Variants in DRAXIN observed in about 807,000 individuals in gnomAD.
DRAXIN encodes the protein dorsal inhibitory axon guidance protein.
Under a neutral mutation model 33.9 loss-of-function variants are expected in DRAXIN, and 27 were observed. The observed-to-expected ratio is 0.80, with a 90% CI of 0.59 to 1.10. The LOEUF (loss-of-function observed/expected upper bound fraction) is 1.10, where lower values mean the gene tolerates loss of function less well. DRAXIN is among the 50% of genes least tolerant of loss of function. The pLI, the probability that DRAXIN is intolerant of heterozygous loss-of-function variation, is 0.00. For synonymous variants in DRAXIN, 178 were observed against 194.0 expected, an observed-to-expected ratio of 0.92 and a Z score of 0.69; for missense variants, 371 against 460.8, an observed-to-expected ratio of 0.81 and a Z score of 1.78.
At chr1:11,707,356 G>A (rs949105280) in intron 2 of DRAXIN, among the ~76,000 whole-genome samples, 3 of 152,178 alleles carry the variant, frequency 2.0e-5, no homozygotes, top group Non-Finnish European at 4.4e-5. Flanking sequence ...CGACTCTGAC[G>A]CATCCGGTAG....
intron 5 of DRAXIN, among the ~76,000 whole-genome samples, chr1:11,712,954 C>A (rs1408785316): frequency 6.7e-6 from 1 of 149,802 alleles, no homozygotes; most frequent in Non-Finnish European, 1.5e-5. Flanking sequence ...AATCCCAGCA[C>A]TTTGGGAGGC....
chr1:11,717,289 A>G (rs1641591160), intron 6 of DRAXIN, among the ~76,000 whole-genome samples: 1 of 151,350 alleles, frequency 6.6e-6, no homozygotes, highest in Non-Finnish European at 1.5e-5. Context: ...TCTCAAAAAG[A>G]AAAAAAAAGT....
intron 3 of DRAXIN, among the ~76,000 whole-genome samples, chr1:11,710,204 A>T (rs9430628): frequency 0.79 from 117,824 of 149,058 alleles, 47,420 homozygotes; most frequent in African/African-American, 0.95. Context: ...AAAAAAAAGA[A>T]ATGTGGGGCG....
chr1:11,710,654 C>T (rs1047925108), intron 3 of DRAXIN, among the ~76,000 whole-genome samples: 5 of 151,854 alleles, frequency 3.3e-5, no homozygotes, highest in Admixed American at 6.6e-5. Context: ...GTGGCTCATG[C>T]CTGTAATCCC....
chr1:11,708,261 G>A (rs1214949713), intron 2 of DRAXIN, among the ~76,000 whole-genome samples: 1 of 152,222 alleles, frequency 6.6e-6, no homozygotes, highest in Admixed American at 6.5e-5. Context: ...TGAGGAGGAG[G>A]TGGGGAACGG....
chr1:11,688,637 C>T (rs1207535398), upstream of DRAXIN, among the ~76,000 whole-genome samples: 1 of 152,148 alleles, frequency 6.6e-6, no homozygotes, highest in Admixed American at 6.5e-5. The surrounding 1 kb of genome is among the most constrained non-coding windows in gnomAD (Gnocchi z 4.6). Flanking sequence ...TGCTCATGGT[C>T]CCTCTAAAAA....
At chr1:11,712,097 G>T (rs781672826) in intron 4 of DRAXIN, 132 bp downstream of exon 4, 4 of 936,202 alleles carry the variant, frequency 4.3e-6, no homozygotes, top group Non-Finnish European at 6.6e-6. Context: ...GAGAGGGGGA[G>T]CATGGAGCCT....
chr1:11,709,512 C>A, intron 3 of DRAXIN, 47 bp downstream of exon 3: 1 of 1,564,080 alleles, frequency 6.4e-7, no homozygotes, highest in Non-Finnish European at 8.6e-7. Flanking sequence ...TCCTTGAGCC[C>A]ATGTCATGGA....
rs1286792502 is a variant in DRAXIN at position 11,709,471 on chromosome 1, G to A, written c.642+6G>A. ...TCACCTCCCTGCGGCCCCAGGTAAG[G>A]GGTCCCCAAACAGCCTCGGATCTGG... On this transcript the variant is annotated splice_donor_region_variant and intron_variant, in intron 3 of 6. Transcript: ENST00000294485. 6.2e-7 allele frequency: 1 copy of A among 1,610,938 alleles called. No homozygotes were observed. Among genetic ancestry groups the A allele is most frequent in the Non-Finnish European group, 8.5e-7 (1 of 1,178,540 alleles).
Position 11,706,303 on chromosome 1 carries a change from C to T in DRAXIN, c.45C>T (p.Val15=), listed in dbSNP as rs746443867. The T allele has an allele frequency of 5.0e-6, 8 of 1,612,864 alleles. No homozygotes were observed. Among genetic ancestry groups the T allele is most frequent in the Non-Finnish European group, 6.8e-6 (8 of 1,179,642 alleles). Reference sequence around the variant, plus strand: ...ACACCGCTCCCATGCTGTTCCTCGTCCTCCTGCTGCCCCTGGAGCTGAGCC... The same window carrying T: ...ACACCGCTCCCATGCTGTTCCTCGTTCTCCTGCTGCCCCTGGAGCTGAGCC... ...AIHTAPMLFL[V]LLLPLELSLA... The change falls in exon 2 of 7, where the codon GTC becomes GTT. Residue 15 remains valine, a synonymous_variant. Transcript: ENST00000294485. The surrounding 1 kb of genome is among the most constrained non-coding windows in gnomAD (Gnocchi z 5.5).
At chr1:11,687,291 G>A (rs1203023094), upstream of DRAXIN, among the ~76,000 whole-genome samples, 2 of 152,116 alleles carry the variant, frequency 1.3e-5, no homozygotes, top group Admixed American at 6.6e-5. This position sits in a 1 kb window ranked among gnomAD's most constrained non-coding sequence, Gnocchi z 4.1. Context: ...CCAGGCTGGA[G>A]GGCGGTGGTG....
chr1:11,706,615 C>T lies in DRAXIN; in HGVS notation c.357C>T (p.Tyr119=), dbSNP rs147961010. Residue 119 remains tyrosine, a synonymous_variant, in exon 2 of 7, where the codon TAC becomes TAT. Transcript: ENST00000294485. The surrounding 1 kb of genome is among the most constrained non-coding windows in gnomAD (Gnocchi z 5.5). The part of the protein sequence containing the change: ...KDLLLGLALP[Y]PEKENRPPGW... ...TGCTCCTGGGACTGGCATTGCCCTA[C>T]CCCGAGAAGGAGAACCGACCTCCAG... 10 of 1,602,324 alleles carry T rather than the reference C, an allele frequency of 6.2e-6. No individual in the cohort carries two copies. The African/African-American group carries it at 8.0e-5, about 13-fold the overall frequency.
chr1:11,691,390 G>C (rs1456064023), upstream of DRAXIN: 3 of 151,810 alleles, frequency 2.0e-5, no homozygotes, highest in Non-Finnish European at 4.4e-5. Context: ...GCCCTGGGCC[G>C]CGCCGAGGCG....
intron 6 of DRAXIN, 149 bp downstream of exon 6, chr1:11,715,357 A>G (rs892531437): frequency 1.3e-5 from 12 of 911,134 alleles, no homozygotes; most frequent in Non-Finnish European, 2.1e-5. Flanking sequence ...AGGTGGGAGA[A>G]TCCCTCGGGA....
chr1:11,706,932 G>A lies in DRAXIN; in HGVS notation c.451+223G>A, dbSNP rs1001207317. ...GTTGCAATACAATCTGTCTTATCGCGGCCCGGTGCCGTGGCTCACGCTTGT... is the reference window on the plus strand; with the variant it reads ...GTTGCAATACAATCTGTCTTATCGCAGCCCGGTGCCGTGGCTCACGCTTGT... On this transcript the variant is annotated intron_variant, in intron 2 of 6. Coordinates refer to ENST00000294485, the MANE Select transcript of DRAXIN (RefSeq NM_198545.4). The surrounding 1 kb of genome is among the most constrained non-coding windows in gnomAD (Gnocchi z 5.5). 2.0e-5 allele frequency among the ~76,000 whole-genome samples: 3 copies of A among 152,170 alleles called. No homozygotes were observed. The highest frequency in any genetic ancestry group is 2.1e-4 in the South Asian group (1 of 4,824).
At chr1:11,719,535 G>A (rs1641628668) in intron 6 of DRAXIN, 49 bp from the exon 7 acceptor site, 2 of 1,511,122 alleles carry the variant, frequency 1.3e-6, no homozygotes, top group Non-Finnish European at 1.8e-6. Flanking sequence ...AGGAAGGGGA[G>A]GGCACGGGCC....
At chr1:11,701,750 G>A (rs779100881) in intron 1 of DRAXIN, among the ~76,000 whole-genome samples, 4 of 152,132 alleles carry the variant, frequency 2.6e-5, no homozygotes, top group African/African-American at 4.8e-5. Flanking sequence ...GAGGCGGAGG[G>A]GGCTGCCTCC....
At position 11,692,812 on chromosome 1, in the gene DRAXIN, C is replaced by T. The variant is rs956554814; in HGVS notation, c.-11+959C>T. Reference sequence around the variant, plus strand: ...TACACTGGGGCTCTGGGAGTGATCTCGGACAAAGGAATGCACCTCTCTGAG... The same window carrying T: ...TACACTGGGGCTCTGGGAGTGATCTTGGACAAAGGAATGCACCTCTCTGAG... On this transcript the variant is annotated intron_variant, in intron 1 of 6. Coordinates refer to ENST00000294485, the MANE Select transcript of DRAXIN (RefSeq NM_198545.4). This position sits in a 1 kb window ranked among gnomAD's most constrained non-coding sequence, Gnocchi z 5.8. 2.0e-5 allele frequency among the ~76,000 whole-genome samples: 3 copies of T among 152,118 alleles called. No individual in the cohort carries two copies. Among genetic ancestry groups the T allele is most frequent in the South Asian group, 2.1e-4 (1 of 4,826 alleles).
intron 1 of DRAXIN, among the ~76,000 whole-genome samples, chr1:11,693,671 C>G (rs552048853): frequency 9.8e-5 from 15 of 152,318 alleles, no homozygotes; most frequent in Non-Finnish European, 2.9e-5. Context: ...GAAATCCGAC[C>G]TGGCAGACAG....
Sources: allele counts gnomAD v4.1 joint callset (sites outside exome capture counted in the v4.1 genomes callset), GRCh38; gene constraint gnomAD v4.1.1; non-coding constraint Gnocchi (gnomAD v3.1); transcripts MANE v1.5; gene names NCBI Gene and HGNC (gene_info 2026-07-23, HGNC 2026-07-21).